The following CA6 variants were observed in gnomAD, a reference collection of about 807,000 sequenced individuals.
CA6 encodes carbonate dehydratase VI.
Under a neutral mutation model 35.9 loss-of-function variants are expected in CA6, and 28 were observed. The observed-to-expected ratio is 0.78, with a 90% CI of 0.58 to 1.07. The LOEUF (loss-of-function observed/expected upper bound fraction) is 1.07. Among genes scored for constraint, CA6 ranks in the 50% least tolerant of loss-of-function variants. The probability of loss-of-function intolerance (pLI) is 0.00; values close to 1 mark genes in which losing one functional copy is unlikely to be tolerated. For missense variants in CA6, 377 were observed against 382.0 expected, an observed-to-expected ratio of 0.99 and a Z score of 0.11; for synonymous variants, 148 against 152.6, an observed-to-expected ratio of 0.97 and a Z score of 0.22.
intron 5 of CA6, 50 bp from the exon 6 acceptor site, chr1:8,967,609 G>C (rs1557631268): frequency 2.6e-6 from 4 of 1,551,428 alleles, no homozygotes; most frequent in Non-Finnish European, 1.8e-6. Context: ...GTCCTCCCGA[G>C]GGGCAGCGCT....
intron 7 of CA6, among the ~76,000 whole-genome samples, chr1:8,972,596 G>T (rs1640138640): frequency 6.6e-6 from 1 of 152,000 alleles, no homozygotes; most frequent in Non-Finnish European, 1.5e-5. Context: ...CTGAGTAGCT[G>T]GGCATGAACC....
At chr1:8,970,154 C>T (rs1003343450) in intron 6 of CA6, among the ~76,000 whole-genome samples, 5 of 149,074 alleles carry the variant, frequency 3.4e-5, no homozygotes, top group African/African-American at 2.5e-5. Flanking sequence ...TGCAGTGAGC[C>T]GCAATCGCGT....
intron 5 of CA6, among the ~76,000 whole-genome samples, chr1:8,965,686 G>A (rs554045979): frequency 1.6e-4 from 24 of 152,202 alleles, no homozygotes; most frequent in African/African-American, 5.8e-4. Context: ...TCAGGAGTTT[G>A]AGATCAGCCT....
chr1:8,964,748 G>A (rs1279053142), intron 5 of CA6, among the ~76,000 whole-genome samples: 1 of 152,066 alleles, frequency 6.6e-6, no homozygotes, highest in African/African-American at 2.4e-5. Context: ...CCCTGAGCTG[G>A]CCCCAATGCT....
At position 8,954,274 on chromosome 1, in the gene CA6, C is replaced by T. The variant is rs578241198; in HGVS notation, c.260-2863C>T. Among the ~76,000 whole-genome samples the T allele has an allele frequency of 1.5e-4, 23 of 151,384 alleles. No homozygotes were observed. In the South Asian group the frequency reaches 4.2e-3, roughly 28 times the overall value. ...TCTGCCTCCTGGTTCAAGTGATTCT[C>T]GTGCCTCAGCCTCCCAAGTAGCTGG... On this transcript the variant is annotated intron_variant, in intron 2 of 7. Coordinates refer to ENST00000377443, the MANE Select transcript of CA6 (RefSeq NM_001215.4).
chr1:8,949,538 A>G, intron 2 of CA6, 96 bp downstream of exon 2: 1 of 1,081,686 alleles, frequency 9.2e-7, no homozygotes, highest in Non-Finnish European at 1.4e-6. Context: ...TTGCACAGAG[A>G]CACAGAGCAC....
At chr1:8,971,602 TGCCTG>T in intron 7 of CA6, among the ~76,000 whole-genome samples, 1 of 152,046 alleles carries the variant, frequency 6.6e-6, no homozygotes, top group South Asian at 2.1e-4. Flanking sequence ...GGAGCCACCG[TGCCTG>T]GCCAAGTTAA....
rs1254218881 is a variant in CA6, at chr1:8,957,279, G to A, written c.402G>A (p.Val134=). 3 of 1,611,240 alleles carry A rather than the reference G, an allele frequency of 1.9e-6. No individual in the cohort carries two copies. The African/African-American group carries it at 4.0e-5, about 22-fold the overall frequency. ...ACACCGTGGACGGGATCAGACATGT[G>A]ATCGAGGTACCTGAGGACCCCCACT... ...SEHTVDGIRH[V]IEIHIVHYNS... is the part of the protein sequence containing the mutation. The change falls in exon 3 of 8, where the codon GTG becomes GTA. Residue 134 remains valine, a synonymous_variant. Transcript: ENST00000377443.
At chr1:8,959,144 G>A (rs968837993) in intron 4 of CA6, 142 bp downstream of exon 4, 26 of 623,246 alleles carry the variant, frequency 4.2e-5, no homozygotes, top group Non-Finnish European at 6.7e-5. Flanking sequence ...ACATTGACTC[G>A]ATGGAAGATC....
chr1:8,962,032 G>A (rs1211886979), intron 4 of CA6, among the ~76,000 whole-genome samples: 2 of 152,134 alleles, frequency 1.3e-5, no homozygotes, highest in South Asian at 2.1e-4. Flanking sequence ...CTGAGGTCAG[G>A]AGTTGGAGAC....
intron 4 of CA6, among the ~76,000 whole-genome samples, chr1:8,960,008 G>C (rs1639797007): frequency 6.6e-6 from 1 of 151,084 alleles, no homozygotes; most frequent in South Asian, 2.1e-4. Flanking sequence ...GAGGCAGATG[G>C]ATCACCTGAG....
At chr1:8,962,374 C>T (rs1639862842) in intron 4 of CA6, among the ~76,000 whole-genome samples, 1 of 152,112 alleles carries the variant, frequency 6.6e-6, no homozygotes, top group Admixed American at 6.6e-5. Context: ...CAAAATACTT[C>T]AGATAATGCC....
intron 7 of CA6, among the ~76,000 whole-genome samples, chr1:8,974,067 C>A (rs1038878936): frequency 3.9e-5 from 6 of 152,176 alleles, no homozygotes; most frequent in Non-Finnish European, 5.9e-5. Context: ...TCAAGCAATC[C>A]ACCCACTTCA....
At chr1:8,964,094 A>G (rs1639908776) in intron 5 of CA6, among the ~76,000 whole-genome samples, 1 of 152,042 alleles carries the variant, frequency 6.6e-6, no homozygotes, top group African/African-American at 2.4e-5. Context: ...ACCAAATTCC[A>G]CATCCCCTCT....
intron 2 of CA6, among the ~76,000 whole-genome samples, chr1:8,950,179 C>T (rs1639491039): frequency 6.6e-6 from 1 of 151,980 alleles, no homozygotes; most frequent in South Asian, 2.1e-4. Flanking sequence ...GACGAGGTTT[C>T]ACCATGTTGG....
intron 4 of CA6, among the ~76,000 whole-genome samples, chr1:8,962,340 C>A (rs1430451077): frequency 1.3e-5 from 2 of 151,998 alleles, no homozygotes; most frequent in Admixed American, 1.3e-4. Flanking sequence ...CAATGACTGA[C>A]AAGCTTCTTT....
intron 2 of CA6, among the ~76,000 whole-genome samples, chr1:8,950,715 A>G (rs1261938998): frequency 6.6e-6 from 1 of 151,188 alleles, no homozygotes; most frequent in Admixed American, 6.6e-5. Context: ...AAAAAATCAA[A>G]ACATTAGCCA....
intron 7 of CA6, among the ~76,000 whole-genome samples, chr1:8,973,712 C>CTT (rs34718211): frequency 1.4e-5 from 1 of 71,444 alleles, no homozygotes. Flanking sequence ...CTTTCTCTCT[C>CTT]TTTCTTTCTT....
intron 7 of CA6, 80 bp from the exon 8 acceptor site, chr1:8,974,542 G>T (rs1010418588): frequency 7.2e-7 from 1 of 1,389,410 alleles, no homozygotes; most frequent in Middle Eastern, 1.8e-4. Flanking sequence ...TGCGGGTATG[G>T]TGTCTGGCCG....
Sources: allele counts gnomAD v4.1 joint callset (sites outside exome capture counted in the v4.1 genomes callset), GRCh38; gene constraint gnomAD v4.1.1; transcripts MANE v1.5; gene names NCBI Gene and HGNC (gene_info 2026-07-23, HGNC 2026-07-21).